CCDC179: variants seen among roughly 807,000 people sequenced by gnomAD.
The protein encoded by CCDC179 is coiled-coil domain containing 179.
In CCDC179, 17 loss-of-function variants were observed where a neutral mutation model predicts 12.0. The ratio of observed to expected loss-of-function variants is 1.42; its 90% confidence interval spans 0.97 to 2.13. The LOEUF (loss-of-function observed/expected upper bound fraction) is 2.13. Among genes scored for constraint, CCDC179 ranks in the 30% most tolerant of loss-of-function variants. The pLI is 0.00. For missense variants in CCDC179, 83 were observed against 78.6 expected (o/e 1.06, Z -0.21); for synonymous variants, 27 against 26.4 (o/e 1.02, Z -0.07).
chr11:22,859,657 A>T (rs1325186060), intron 1 of CCDC179, among the ~76,000 whole-genome samples, 161 bp from the exon 2 acceptor site: 2 of 152,236 alleles, frequency 1.3e-5, no homozygotes, highest in African/African-American at 4.8e-5. Flanking sequence ...GAAAAAAGTC[A>T]AGTTCAGAAT....
intron 3 of CCDC179, among the ~76,000 whole-genome samples, chr11:22,849,383 G>A (rs547789197): frequency 1.8e-4 from 27 of 152,192 alleles, no homozygotes; most frequent in African/African-American, 6.0e-4. Flanking sequence ...TTACTTATTT[G>A]TGAAACATTT....
intron 1 of CCDC179, among the ~76,000 whole-genome samples, chr11:22,860,163 A>G (rs1390980890): frequency 1.3e-5 from 2 of 152,126 alleles, no homozygotes; most frequent in Admixed American, 1.3e-4. Context: ...GATGTACCTG[A>G]CCCCTAAGCA....
At position 22,859,435 on chromosome 11, in the gene CCDC179, C is replaced by A. The variant is rs1397075783; in HGVS notation, c.90+17G>T. The A allele has an allele frequency of 6.8e-7, 1 of 1,476,410 alleles. No individual in the cohort carries two copies. Among genetic ancestry groups the A allele is most frequent in the Non-Finnish European group, 9.0e-7 (1 of 1,112,052 alleles). The allele number at this position is 1,476,410 out of a possible 1,614,324, so 91.5% of individuals were successfully genotyped here. A position where few individuals can be genotyped will look rare whatever the true frequency, so the allele number is the denominator to read the frequency against. ...ATGTTTAAACAACCAGAACCTAGTT[C>A]TTTATTTAAACATTACCTGCCGCTC... On this transcript the variant is annotated intron_variant, in intron 2 of 3. Transcript: ENST00000532798.
At chr11:22,849,747 T>C (rs868323351) in intron 3 of CCDC179, among the ~76,000 whole-genome samples, 1 of 152,254 alleles carries the variant, frequency 6.6e-6, no homozygotes. Flanking sequence ...CTCCCACTTG[T>C]AGGTGAGAAG....
chr11:22,857,324 G>A (rs148585703), intron 3 of CCDC179, among the ~76,000 whole-genome samples: 17 of 151,632 alleles, frequency 1.1e-4, no homozygotes, highest in African/African-American at 3.6e-4. Flanking sequence ...AGGATTCAAC[G>A]AGACAGAATA....
chr11:22,851,300 G>A (rs1023664583), intron 3 of CCDC179, among the ~76,000 whole-genome samples: 3 of 151,790 alleles, frequency 2.0e-5, no homozygotes, highest in Non-Finnish European at 4.4e-5. Context: ...CAAAGCCAAT[G>A]GGTTGAACTT....
At chr11:22,858,367 T>C (rs1481586468) in intron 2 of CCDC179, among the ~76,000 whole-genome samples, 2 of 151,990 alleles carry the variant, frequency 1.3e-5, no homozygotes, top group Non-Finnish European at 2.9e-5. Context: ...GGGAATTTTC[T>C]CTATAGAAAT....
At chr11:22,860,294 C>T in intron 1 of CCDC179, 83 bp downstream of exon 1, 1 of 1,453,250 alleles carries the variant, frequency 6.9e-7, no homozygotes, top group African/African-American at 1.4e-5. Flanking sequence ...GTTAGAAGCA[C>T]CATGGCCAAG....
rs1225562188 is a variant in CCDC179, at chr11:22,860,441, C to T, written c.-20G>A. The T allele has an allele frequency of 1.3e-6, 2 of 1,531,464 alleles. No homozygotes were observed. The highest frequency in any genetic ancestry group is 1.7e-4 in the Middle Eastern group (1 of 5,958). The allele number at this position is 1,531,464 out of a possible 1,614,324, so 94.9% of individuals were successfully genotyped here. ...GCACATGCCGTGGAGCCTTAGGGCG[C>T]CCCCTGACGCCTACTGCCTGTCCTG... On this transcript the variant is annotated 5_prime_UTR_variant, in exon 1 of 4. Transcript: ENST00000532798.
At chr11:22,848,900 A>T (rs1004161747) in intron 3 of CCDC179, among the ~76,000 whole-genome samples, 1 of 152,248 alleles carries the variant, frequency 6.6e-6, no homozygotes, top group African/African-American at 2.4e-5. Flanking sequence ...TGATACTGTG[A>T]TGACATTATG....
chr11:22,848,081 A>G (rs1858269351), intron 3 of CCDC179, among the ~76,000 whole-genome samples: 1 of 152,228 alleles, frequency 6.6e-6, no homozygotes, highest in Non-Finnish European at 1.5e-5. Context: ...ACCTTAAAAT[A>G]ATATTTAAGG....
intron 3 of CCDC179, among the ~76,000 whole-genome samples, chr11:22,853,788 G>T (rs545006489): frequency 6.6e-6 from 1 of 151,962 alleles, no homozygotes; most frequent in African/African-American, 2.4e-5. Context: ...TAATAGATGT[G>T]AACCTTCTAA....
intron 1 of CCDC179, 31 bp downstream of exon 1, chr11:22,860,346 G>C: frequency 6.5e-7 from 1 of 1,534,586 alleles, no homozygotes; most frequent in Non-Finnish European, 8.7e-7. Flanking sequence ...CAGAGTGGCA[G>C]AGTTGAGGTT....
intron 3 of CCDC179, among the ~76,000 whole-genome samples, chr11:22,849,959 A>G (rs375971666): frequency 1.3e-4 from 20 of 152,228 alleles, no homozygotes; most frequent in African/African-American, 4.8e-4. Flanking sequence ...GACAGATTTT[A>G]TAGTCAGGCT....
intron 3 of CCDC179, among the ~76,000 whole-genome samples, chr11:22,848,731 A>G (rs1858295249): frequency 6.6e-6 from 1 of 152,216 alleles, no homozygotes; most frequent in South Asian, 2.1e-4. Flanking sequence ...GCAAATTGCA[A>G]AATGTATAAG....
At chr11:22,849,391 T>C (rs1364642169) in intron 3 of CCDC179, among the ~76,000 whole-genome samples, 1 of 152,236 alleles carries the variant, frequency 6.6e-6, no homozygotes, top group Non-Finnish European at 1.5e-5. Context: ...TTGTGAAACA[T>C]TTCAGTTGTC....
intron 3 of CCDC179, among the ~76,000 whole-genome samples, chr11:22,854,638 A>T (rs1274485978): frequency 1.3e-5 from 2 of 151,800 alleles, no homozygotes; most frequent in Admixed American, 1.3e-4. Flanking sequence ...AAACTAGAGA[A>T]TGCAGAAGAA....
At chr11:22,848,118 C>T (rs7952468) in intron 3 of CCDC179, among the ~76,000 whole-genome samples, 79,583 of 152,022 alleles carry the variant, frequency 0.52, 21,174 homozygotes, top group Middle Eastern at 0.7. Context: ...TAAATACATA[C>T]ACTTAACGAT....
intron 3 of CCDC179, among the ~76,000 whole-genome samples, chr11:22,848,644 G>A (rs1858292762): frequency 6.6e-6 from 1 of 152,038 alleles, no homozygotes; most frequent in African/African-American, 2.4e-5. Context: ...AACTGTTATT[G>A]CATTTTTTTC....
Sources: allele counts gnomAD v4.1 joint callset (sites outside exome capture counted in the v4.1 genomes callset), GRCh38; gene constraint gnomAD v4.1.1; transcripts MANE v1.5; gene names NCBI Gene and HGNC (gene_info 2026-07-23, HGNC 2026-07-21).